Variants in ABCA2 observed in about 807,000 individuals in gnomAD.
The protein encoded by ABCA2 is ATP-binding cassette sub-family A member 2.
Under a neutral mutation model 262.8 loss-of-function variants are expected in ABCA2, and 84 were observed. The ratio of observed to expected loss-of-function variants is 0.32; its 90% CI spans 0.27 to 0.38. The LOEUF (loss-of-function observed/expected upper bound fraction) is 0.38. Among genes scored for constraint, ABCA2 ranks in the 10% least tolerant of loss-of-function variants. The probability of loss-of-function intolerance (pLI) is 1.00; values close to 1 mark genes in which losing one functional copy is unlikely to be tolerated. For missense variants in ABCA2, 2,662 were observed against 3,405.9 expected, an observed-to-expected ratio of 0.78 and a Z score of 5.44; for synonymous variants, 1,696 against 1,502.9, an observed-to-expected ratio of 1.13 and a Z score of -2.97.
At position 137,008,629 on chromosome 9, in the gene ABCA2, G is replaced by A; in HGVS notation, c.7069-7C>T. On this transcript the variant is annotated splice_polypyrimidine_tract_variant and splice_region_variant and intron_variant, in intron 47 of 48. Coordinates refer to ENST00000341511, the MANE Select transcript of ABCA2 (RefSeq NM_001606.5). ...TGGCAAAGTTCACGAACACCTGGTG[G>A]GTGGCGCAGGCGTGTGGGGAGGGGG... 1 of 1,603,074 alleles carries A rather than the reference G, an allele frequency of 6.2e-7. No homozygotes were observed. Among genetic ancestry groups the A allele is most frequent in the Non-Finnish European group, 8.5e-7 (1 of 1,175,494 alleles).
rs1830977882 is a variant in ABCA2 at position 137,010,034 on chromosome 9, G to A, written c.6444C>T (p.His2148=). ...CACGCAGCCGCGTGTACAGCTGCAG[G>A]TGCTCCCGGGCCGTGAGCTCGTCGA... is the stretch of plus-strand genomic sequence containing the variant. ...ALFDELTARE[H]LQLYTRLRGI... is the part of the protein sequence containing the mutation. The change falls in exon 42 of 49, where the codon CAC becomes CAT. Residue 2148 remains histidine, a synonymous_variant. Coordinates refer to ENST00000341511, the MANE Select transcript of ABCA2 (RefSeq NM_001606.5). The A allele has an allele frequency of 1.9e-6, 3 of 1,600,568 alleles. No individual in the cohort carries two copies. Among genetic ancestry groups the A allele is most frequent in the Non-Finnish European group, 2.6e-6 (3 of 1,175,682 alleles).
In ABCA2 at chr9:137,011,158, G is replaced by A. The variant is rs199870396; in HGVS notation, c.5923+28C>T. 5.8e-4 allele frequency: 928 copies of A among 1,611,920 alleles called. 2 individuals are homozygous for A. The East Asian group carries it at 0.011, about 20-fold the overall frequency. ...CTCTGGGCCTTGCGGGGCCCCCACC[G>A]CCTTCCCCGCCCCACGGGCCCCCTC... is the stretch of plus-strand genomic sequence containing the variant. On this transcript the variant is annotated intron_variant, in intron 38 of 48. Transcript: ENST00000341511. This position sits in a 1 kb window ranked among gnomAD's most constrained non-coding sequence, Gnocchi z 8.8.
chr9:137,017,878 A>T lies in ABCA2; in HGVS notation c.2120T>A (p.Met707Lys). The T allele has an allele frequency of 6.2e-7, 1 of 1,612,604 alleles. No individual in the cohort carries two copies. The highest frequency in any genetic ancestry group is 8.5e-7 in the Non-Finnish European group (1 of 1,179,854). Reference protein sequence around the residue: ...RDDFLFVIEHMMPLCMVISWV... With the variant: ...RDDFLFVIEHKMPLCMVISWV... ...GGAGATCACCATGCACAGCGGCATC[A>T]TGTGCTCAATGACAAACAGGAAGCT... The change falls in exon 16 of 49, where the codon ATG becomes AAG. Residue 707 changes from methionine (M) to lysine (K), a missense_variant. Met to Lys is a moderately conservative substitution (Grantham distance 95). Coordinates refer to ENST00000341511, the MANE Select transcript of ABCA2 (RefSeq NM_001606.5).
In ABCA2 at chr9:137,009,966, GC is replaced by G. The variant is rs780354868; in HGVS notation, c.6495+16del. ...ACCCAGCGTGCTGACTCCCTGCCCC[GC>G]CCCACAGATCCTCACCCGGGCCTCG... On this transcript the variant is annotated intron_variant, in intron 42 of 48. Transcript: ENST00000341511. The G allele has an allele frequency of 1.9e-6, 3 of 1,593,842 alleles. No homozygotes were observed. In the South Asian group the frequency reaches 3.4e-5, roughly 18 times the overall value.
Position 137,015,432 on chromosome 9 carries a change from C to G in ABCA2, c.3679G>C (p.Glu1227Gln), listed in dbSNP as rs761458251. Residue 1227 changes from glutamate (E) to glutamine (Q), a missense_variant, in exon 24 of 49, where the codon GAG becomes CAG. Transcript: ENST00000341511. ...CACAGACCTTGGGGGCCCCCCGGCT[C>G]GGCGGGCCGCTTGACCAGCGTGAGG... ...YRLTLVKRPA[E>Q]PGGPQEPGLA... 1 of 1,563,856 alleles carries G rather than the reference C, an allele frequency of 6.4e-7. No homozygotes were observed. The highest frequency in any genetic ancestry group is 8.6e-7 in the Non-Finnish European group (1 of 1,156,874).
intron 24 of ABCA2, 34 bp downstream of exon 24, chr9:137,015,380 G>A (rs1831221418): frequency 1.3e-6 from 2 of 1,528,586 alleles, no homozygotes; most frequent in Non-Finnish European, 1.8e-6. Flanking sequence ...GGAGAAGGTG[G>A]CCCGAAGCCA....
At chr9:137,022,626 G>C (rs999822207) in intron 5 of ABCA2, 76 bp downstream of exon 5, 1 of 1,565,398 alleles carries the variant, frequency 6.4e-7, no homozygotes, top group Non-Finnish European at 8.7e-7. Context: ...GGCCCAGAGT[G>C]GATGTGGGCT....
At chr9:137,026,635 G>A (rs544557437) in intron 1 of ABCA2, among the ~76,000 whole-genome samples, 2 of 152,252 alleles carry the variant, frequency 1.3e-5, no homozygotes, top group South Asian at 4.1e-4. Flanking sequence ...TCACTCTTGC[G>A]GTCAGGACAG....
In ABCA2 at chr9:137,019,659, C is replaced by T. The variant is rs1208517434; in HGVS notation, c.1426-353G>A. The T allele has an allele frequency of 1.7e-5, 4 of 233,670 alleles. No individual in the cohort carries two copies. The highest frequency in any genetic ancestry group is 5.3e-5 in the Admixed American group (1 of 18,802). 14.5% of individuals were successfully genotyped at this position (233,670 alleles called of 1,614,324 possible). On this transcript the variant is annotated intron_variant, in intron 10 of 48. Transcript: ENST00000341511. This position sits in a 1 kb window ranked among gnomAD's most constrained non-coding sequence, Gnocchi z 4.4. ...CTTGTCTCAAACTCCTGAGCTCAAG[C>T]GATCCTCCCACCATGGCTTCCCAAA...
In ABCA2 at chr9:137,008,565, G is replaced by T; in HGVS notation, c.7126C>A (p.Pro2376Thr). 1.9e-6 allele frequency: 3 copies of T among 1,608,522 alleles called. No homozygotes were observed. Among genetic ancestry groups the T allele is most frequent in the Non-Finnish European group, 2.5e-6 (3 of 1,178,184 alleles). The stretch of plus-strand genomic sequence containing the variant: ...AGAGGGGACTGCAGTGCGGATGGCG[G>T]CTCCGTCTCCTGCTGCTCCAGGTTG... ...SDNLEQQETE[P>T]PSALQSPLGC... Residue 2376 changes from proline (P) to threonine (T), a missense_variant, in exon 48 of 49, where the codon CCG becomes ACG. Around this residue, in one of 12 missense-constraint regions of ABCA2, gnomAD observed 212 missense variants for 214.4 expected, o/e 0.99. Transcript: ENST00000341511.
Position 137,014,171 on chromosome 9 carries a change from G to T in ABCA2, c.4237C>A (p.Gln1413Lys), listed in dbSNP as rs779035500. ...NPQDPDNVSL[Q>K]EVEAEALSRV... ...AGCCTCACCCTGCCACCCCCACCTTGCAGGCTGACATTGTCTGGGTCCTGT... is the reference window on the plus strand; with the variant it reads ...AGCCTCACCCTGCCACCCCCACCTTTCAGGCTGACATTGTCTGGGTCCTGT... The change falls in exon 27 of 49, where the codon CAA becomes AAA. Residue 1413 changes from glutamine to lysine, a missense_variant. Gln to Lys is a moderately conservative substitution (Grantham distance 53). Transcript: ENST00000341511. The T allele has an allele frequency of 6.8e-6, 11 of 1,606,356 alleles. No individual in the cohort carries two copies. In the South Asian group the frequency reaches 1.2e-4, roughly 18 times the overall value.
At position 137,018,367 on chromosome 9, in the gene ABCA2, TG is replaced by T; in HGVS notation, c.1820-17del. ...AAGATCACACCTGGGGCCGGGAGGT[TG>T]GGGCGGGGCCAAGATGCAGGGGCGG... On this transcript the variant is annotated splice_polypyrimidine_tract_variant and intron_variant, in intron 13 of 48. Transcript: ENST00000341511. The T allele has an allele frequency of 1.1e-6, 1 of 921,586 alleles. No individual in the cohort carries two copies. 57.1% of individuals were successfully genotyped at this position (921,586 alleles called of 1,614,324 possible).
chr9:137,021,688 C>A lies in ABCA2; in HGVS notation c.679-78G>T. 2 of 1,444,314 alleles carry A rather than the reference C, an allele frequency of 1.4e-6. No individual in the cohort carries two copies. The highest frequency in any genetic ancestry group is 1.9e-6 in the Non-Finnish European group (2 of 1,067,532). 89.5% of individuals were successfully genotyped at this position (1,444,314 alleles called of 1,614,324 possible). A position where few individuals can be genotyped will look rare whatever the true frequency, so the allele number is the denominator to read the frequency against. ...CACTAGGGCCTCAGGCCTCACCCTG[C>A]CCCACCCACTGGCTGGCTCTGGGGC... On this transcript the variant is annotated intron_variant, in intron 7 of 48. Transcript: ENST00000341511. This position sits in a 1 kb window ranked among gnomAD's most constrained non-coding sequence, Gnocchi z 6.0.
chr9:137,015,337 T>G (rs561344335), intron 24 of ABCA2, 77 bp downstream of exon 24: 2 of 1,465,032 alleles, frequency 1.4e-6, no homozygotes, highest in Admixed American at 4.3e-5. Flanking sequence ...GGGCCCAGCC[T>G]CTCCATTGTG....
intron 48 of ABCA2, 192 bp downstream of exon 48, chr9:137,008,224 C>CTA: frequency 1.2e-6 from 1 of 827,222 alleles, no homozygotes; most frequent in Non-Finnish European, 2.0e-6. Flanking sequence ...AAGACTCTAG[C>CTA]AAGTCTGGAC....
chr9:137,019,367 C>T lies in ABCA2; in HGVS notation c.1426-61G>A, dbSNP rs1564226184. On this transcript the variant is annotated intron_variant, in intron 10 of 48. Transcript: ENST00000341511. The surrounding 1 kb of genome is among the most constrained non-coding windows in gnomAD (Gnocchi z 4.4). ...ACGGACCCCCACCGACTTGGGGGCT[C>T]TCACCCCACTCACCTCCCCAGTGGC... The T allele has an allele frequency of 2.5e-6, 4 of 1,574,314 alleles. No homozygotes were observed. Among genetic ancestry groups the T allele is most frequent in the Non-Finnish European group, 3.5e-6 (4 of 1,154,732 alleles).
In ABCA2 at chr9:137,015,072, T is replaced by A. The variant is rs1417396706; in HGVS notation, c.3723A>T (p.Pro1241=). ...AGCAGCTGCTCAGCGGGGCCCGACC[T>A]GGGGGGCTGGATGCCAGCCCTGGCT... ...PQEPGLASSP[P]GRAPLSSCSE... is the part of the protein sequence containing the mutation. The change falls in exon 25 of 49, where the codon CCA becomes CCT. Residue 1241 remains proline (P), a synonymous_variant. Transcript: ENST00000341511. 1.3e-6 allele frequency: 2 copies of A among 1,597,258 alleles called. No homozygotes were observed. Among genetic ancestry groups the A allele is most frequent in the South Asian group, 2.2e-5 (2 of 89,176 alleles).
chr9:137,009,013 T>G lies in ABCA2; in HGVS notation c.6868A>C (p.Ser2290Arg). 1 of 1,607,944 alleles carries G rather than the reference T, an allele frequency of 6.2e-7. No homozygotes were observed. Among genetic ancestry groups the G allele is most frequent in the Non-Finnish European group, 8.5e-7 (1 of 1,179,466 alleles). ...GYMITVRTKS[S>R]QSVKDVVRFF... is the part of the protein sequence containing the mutation. ...CGCACCACGTCCTTCACACTCTGGC[T>G]GCTCTTGGTCCGCACCGTGATCATG... The change falls in exon 46 of 49, where the codon AGC becomes CGC. Residue 2290 changes from serine (S) to arginine (R), a missense_variant. Physicochemically the swap from Ser to Arg is moderately radical, Grantham distance 110. This residue lies in a region of ABCA2 where 212 missense variants were observed against 214.4 expected (regional missense o/e 0.99). Coordinates refer to ENST00000341511, the MANE Select transcript of ABCA2 (RefSeq NM_001606.5).
chr9:137,020,413 G>C lies in ABCA2; in HGVS notation c.1348C>G (p.Leu450Val). The change falls in exon 10 of 49, where the codon CTC (leucine) becomes GTC (valine). Residue 450 changes from leucine to valine, a missense_variant. By Grantham distance (32) the Leu-to-Val change is conservative. Around this residue, in one of 12 missense-constraint regions of ABCA2, gnomAD observed 92 missense variants for 146.7 expected, o/e 0.63. Coordinates refer to ENST00000341511, the MANE Select transcript of ABCA2 (RefSeq NM_001606.5). ...TSKEQRNLGL[L>V]VHLMTSNPKI... ...GGGTTGCTGGTCATGAGGTGCACGA[G>C]GAGGCCCAGGTTCCGCTGCTCCTTG... is the stretch of plus-strand genomic sequence containing the variant. 6.2e-7 allele frequency: 1 copy of C among 1,612,936 alleles called. No homozygotes were observed. Among genetic ancestry groups the C allele is most frequent in the Non-Finnish European group, 8.5e-7 (1 of 1,179,952 alleles).
Sources: allele counts gnomAD v4.1 joint callset (sites outside exome capture counted in the v4.1 genomes callset), GRCh38; gene constraint gnomAD v4.1.1; regional missense constraint gnomAD v4.1.1; non-coding constraint Gnocchi (gnomAD v3.1); transcripts MANE v1.5; gene names NCBI Gene and HGNC (gene_info 2026-07-23, HGNC 2026-07-21).